NBEAL1: variants seen among roughly 807,000 people sequenced by gnomAD.
The protein encoded by NBEAL1 is neurobeachin-like protein 1.
NBEAL1 carries 273 observed loss-of-function variants against 351.3 expected under a neutral mutation model. The ratio of observed to expected loss-of-function variants is 0.78; its 90% CI spans 0.70 to 0.86. NBEAL1 has a LOEUF of 0.86. Among genes scored for constraint, NBEAL1 ranks in the 40% least tolerant of loss-of-function variants. NBEAL1 has a pLI of 0.00. For synonymous variants in NBEAL1, 1,050 were observed against 1,086.4 expected (o/e 0.97, Z 0.66); for missense variants, 2,961 against 3,201.3 (o/e 0.92, Z 1.81).
intron 44 of NBEAL1, among the ~76,000 whole-genome samples, chr2:203,187,497 TG>T (rs1461982079): frequency 6.7e-6 from 1 of 149,410 alleles, no homozygotes. Flanking sequence ...CCCAGCACTT[TG>T]GGAGGCCAAG....
At chr2:203,067,562 A>G (rs969494361) in intron 6 of NBEAL1, among the ~76,000 whole-genome samples, 10 of 152,234 alleles carry the variant, frequency 6.6e-5, no homozygotes, top group Non-Finnish European at 1.5e-4. Flanking sequence ...TTAAGAAGAA[A>G]GCATCTTAGA....
intron 8 of NBEAL1, among the ~76,000 whole-genome samples, chr2:203,079,360 G>T (rs139853340): frequency 2.0e-5 from 3 of 152,160 alleles, no homozygotes; most frequent in African/African-American, 7.2e-5. Flanking sequence ...AGGATTACAG[G>T]TGTGAGTCAC....
At chr2:203,172,064 C>A in intron 40 of NBEAL1, 41 bp downstream of exon 40, 1 of 1,202,180 alleles carries the variant, frequency 8.3e-7, no homozygotes, top group Non-Finnish European at 1.2e-6. Flanking sequence ...AATTGCCCTA[C>A]AGTTTTATAA....
intron 2 of NBEAL1, chr2:203,039,978 A>G: frequency 5.7e-6 from 3 of 523,662 alleles, no homozygotes; most frequent in African/African-American, 1.9e-5. Flanking sequence ...GGAACATGAT[A>G]AGGTAAGGTA....
chr2:203,148,647 T>C (rs1381537807), intron 33 of NBEAL1, among the ~76,000 whole-genome samples: 3 of 152,066 alleles, frequency 2.0e-5, no homozygotes, highest in Non-Finnish European at 4.4e-5. Context: ...AATCAAAAGA[T>C]CCCAGAGGAA....
intron 23 of NBEAL1, 118 bp downstream of exon 23, chr2:203,127,044 A>G: frequency 1.4e-6 from 1 of 699,718 alleles, no homozygotes; most frequent in Non-Finnish European, 2.4e-6. Flanking sequence ...TTAACTGGAG[A>G]GAGGTAGGAT....
At chr2:203,028,278 A>G (rs1289760402) in intron 2 of NBEAL1, among the ~76,000 whole-genome samples, 1 of 151,886 alleles carries the variant, frequency 6.6e-6, no homozygotes, top group Non-Finnish European at 1.5e-5. Flanking sequence ...CGGCCTCCCA[A>G]AATGGTGGAA....
intron 19 of NBEAL1, 99 bp downstream of exon 19, chr2:203,122,442 T>C: frequency 1.4e-6 from 1 of 710,978 alleles, no homozygotes; most frequent in Non-Finnish European, 2.4e-6. Flanking sequence ...ATCTAAATAA[T>C]AGGTCTCAGT....
chr2:203,165,425 T>G (rs1279468728), intron 36 of NBEAL1, among the ~76,000 whole-genome samples: 60 of 152,184 alleles, frequency 3.9e-4, no homozygotes, highest in Non-Finnish European at 5.9e-5. Context: ...TACTTCTAAT[T>G]ATTATTTACA....
rs57126638 is a variant in NBEAL1 at position 203,119,424 on chromosome 2, C to CTTTTTTTTTTTTT, written c.2593-2822_2593-2810dup. On this transcript the variant is annotated intron_variant, in intron 18 of 55. Transcript: ENST00000683969. ...GTGAGCCACTGCATACGGCCTGTTGCTTTTTTTTTTTTTTTTTTTTGAGAC... is the reference window on the plus strand; with the variant it reads ...GTGAGCCACTGCATACGGCCTGTTGCTTTTTTTTTTTTTTTTTTTTTTTTTTTTTTTTTGAGAC... Among the ~76,000 whole-genome samples the CTTTTTTTTTTTTT allele has an allele frequency of 4.6e-3, 306 of 66,652 alleles. 70 individuals carry two copies. Among genetic ancestry groups the CTTTTTTTTTTTTT allele is most frequent in the Non-Finnish European group, 6.0e-3 (230 of 38,044 alleles). 43.7% of individuals were successfully genotyped at this position (66,652 alleles called of 152,430 possible). A position where few individuals can be genotyped will look rare whatever the true frequency, so the allele number is the denominator to read the frequency against.
intron 31 of NBEAL1, among the ~76,000 whole-genome samples, chr2:203,144,251 A>T (rs972637315): frequency 6.6e-6 from 1 of 150,792 alleles, no homozygotes; most frequent in Non-Finnish European, 1.5e-5. Flanking sequence ...TTCTCTTTAT[A>T]CTGGTGGTTT....
At chr2:203,180,339 G>T (rs1404288423) in intron 42 of NBEAL1, 43 bp from the exon 43 acceptor site, 1 of 1,572,198 alleles carries the variant, frequency 6.4e-7, no homozygotes, top group South Asian at 1.2e-5. Context: ...TCTTGTTGTT[G>T]ATTTCATTCA....
chr2:203,082,670 A>G (rs2061893586), intron 8 of NBEAL1, among the ~76,000 whole-genome samples: 1 of 152,220 alleles, frequency 6.6e-6, no homozygotes, highest in South Asian at 2.1e-4. Context: ...TGAAAACCTT[A>G]GAGAGACTTA....
At chr2:203,210,689 G>A (rs943591362) in intron 53 of NBEAL1, among the ~76,000 whole-genome samples, 1 of 152,064 alleles carries the variant, frequency 6.6e-6, no homozygotes, top group African/African-American at 2.4e-5. Context: ...TTTTTCTTTT[G>A]TTTTAAGAAT....
intron 34 of NBEAL1, among the ~76,000 whole-genome samples, chr2:203,150,914 T>G (rs2063634392): frequency 6.6e-6 from 1 of 152,246 alleles, no homozygotes; most frequent in Non-Finnish European, 1.5e-5. Flanking sequence ...TCATGTCATC[T>G]TGGGCAAATA....
At position 203,144,802 on chromosome 2, in the gene NBEAL1, T is replaced by C; in HGVS notation, c.5051T>C (p.Leu1684Ser). 6.2e-7 allele frequency: 1 copy of C among 1,614,074 alleles called. No homozygotes were observed. The highest frequency in any genetic ancestry group is 8.5e-7 in the Non-Finnish European group (1 of 1,179,952). ...ATTTATGAGCTTCTCTTCATGAACT[T>C]GCACCTACCTTCTTTACCTTTTACC... ...SKIYELLFMN[L>S]HLPSLPFTNG... Residue 1684 changes from leucine (L) to serine (S), a missense_variant, in exon 32 of 56, where the codon TTG (leucine) becomes TCG (serine). Leu to Ser is a moderately radical substitution (Grantham distance 145, BLOSUM62 -2). Coordinates refer to ENST00000683969, the MANE Select transcript of NBEAL1 (RefSeq NM_001378026.1).
At chr2:203,138,042 T>C (rs1256649975) in intron 29 of NBEAL1, 120 bp from the exon 30 acceptor site, 1 of 890,338 alleles carries the variant, frequency 1.1e-6, no homozygotes, top group Non-Finnish European at 1.7e-6. Flanking sequence ...GGATACCTGC[T>C]AGAGATAGTA....
chr2:203,135,466 C>T (rs770052313), intron 27 of NBEAL1, among the ~76,000 whole-genome samples: 18 of 152,094 alleles, frequency 1.2e-4, no homozygotes, highest in Middle Eastern at 3.2e-3. Context: ...TACTCTTACT[C>T]TGTACAATGA....
chr2:203,151,447 G>C lies in NBEAL1; in HGVS notation c.5463-18G>C, dbSNP rs1252771593. The stretch of plus-strand genomic sequence containing the variant: ...TTAAGCTAAATAATTTTACTTATTT[G>C]CTTATGAATATTCTTAGGAAACAGA... On this transcript the variant is annotated intron_variant, in intron 34 of 55. Coordinates refer to ENST00000683969, the MANE Select transcript of NBEAL1 (RefSeq NM_001378026.1). The C allele has an allele frequency of 1.5e-5, 23 of 1,540,038 alleles. No homozygotes were observed. The highest frequency in any genetic ancestry group is 2.0e-5 in the Non-Finnish European group (23 of 1,139,424).
Sources: gnomAD v4.1 joint callset for allele counts (sites outside exome capture counted in the v4.1 genomes callset) on GRCh38, gnomAD v4.1.1 for gene constraint, MANE v1.5 for transcripts, NCBI Gene and HGNC (gene_info 2026-07-23, HGNC 2026-07-21) for gene names.